Variants in TRMT11 observed in about 807,000 individuals in gnomAD.
TRMT11 encodes tRNA methyltransferase 11, also known as tRNA (guanine(10)-N(2))-methyltransferase TRMT11.
Under a neutral mutation model 62.8 loss-of-function variants are expected in TRMT11, and 53 were observed. The observed-to-expected ratio is 0.84, with a 90% confidence interval of 0.68 to 1.06. The LOEUF (loss-of-function observed/expected upper bound fraction) is 1.06, where lower values mean the gene tolerates loss of function less well. Ranked by LOEUF, TRMT11 falls within the 50% of genes least tolerant of loss-of-function variation. The pLI is 0.00. For missense variants in TRMT11, 556 were observed against 553.4 expected, an observed-to-expected ratio of 1.00 and a Z score of -0.05; for synonymous variants, 188 against 190.3, an observed-to-expected ratio of 0.99 and a Z score of 0.10.
At chr6:126,177,967 C>A (rs1225379561) in intron 1 of TRMT11, among the ~76,000 whole-genome samples, 1 of 152,174 alleles carries the variant, frequency 6.6e-6, no homozygotes, top group Non-Finnish European at 1.5e-5. Flanking sequence ...GTGCCTACTG[C>A]AAGCTCTGGT....
At chr6:126,152,200 C>A (rs1389392796) in intron 21 of TRMT11, among the ~76,000 whole-genome samples, 1 of 150,670 alleles carries the variant, frequency 6.6e-6, no homozygotes, top group African/African-American at 2.4e-5. Flanking sequence ...AATTTTGTAA[C>A]TTCCTGAAAT....
chr6:126,061,068 A>G (rs1042873030), intron 17 of TRMT11, among the ~76,000 whole-genome samples: 5 of 152,226 alleles, frequency 3.3e-5, no homozygotes, highest in Admixed American at 1.3e-4. Context: ...GAGGGCCCGC[A>G]TAACAGAAGG....
the TRMT11 span, among the ~76,000 whole-genome samples, chr6:126,248,989 AG>A: frequency 6.6e-6 from 1 of 152,146 alleles, no homozygotes. Flanking sequence ...AATCTATCCA[AG>A]GGAAAAGTAT....
chr6:126,140,409 CT>C (rs1262370441), intron 21 of TRMT11, among the ~76,000 whole-genome samples: 1 of 151,938 alleles, frequency 6.6e-6, no homozygotes, highest in Non-Finnish European at 1.5e-5. Context: ...AATTTCTTAT[CT>C]TTGTCTTTAC....
intron 3 of TRMT11, among the ~76,000 whole-genome samples, chr6:126,201,412 C>T (rs9491586): frequency 0.064 from 9,676 of 152,236 alleles, 1,049 homozygotes; most frequent in African/African-American, 0.22. Context: ...ATTTGTATAT[C>T]CTGCATGCTG....
the TRMT11 span, among the ~76,000 whole-genome samples, chr6:126,260,454 G>T: frequency 5.3e-5 from 8 of 152,270 alleles, no homozygotes; most frequent in East Asian, 1.9e-4. Flanking sequence ...AGAATTGAGA[G>T]ATTTATATAG....
At position 126,121,860 on chromosome 6, in the gene TRMT11, G is replaced by A. The variant is rs1028176607; in HGVS notation, c.*1823+6005G>A. ...TACTCTCATAACCACCCCCCACTCC[G>A]CCACACAGACACACAAACAGCTCAT... On this transcript the variant is annotated intron_variant and NMD_transcript_variant, in intron 21 of 22. Coordinates refer to the TRMT11 transcript ENST00000648977. Among the ~76,000 whole-genome samples the A allele has an allele frequency of 7.2e-5, 11 of 151,840 alleles. No homozygotes were observed. In the South Asian group the frequency reaches 8.3e-4, roughly 11 times the overall value.
intron 18 of TRMT11, among the ~76,000 whole-genome samples, chr6:126,113,191 C>T (rs1777551319): frequency 6.6e-6 from 1 of 152,066 alleles, no homozygotes; most frequent in African/African-American, 2.4e-5. Context: ...CCATATTGAC[C>T]TGAAGCTGTA....
chr6:126,212,277 G>A, the TRMT11 span, among the ~76,000 whole-genome samples: 1 of 152,084 alleles, frequency 6.6e-6, no homozygotes, highest in Admixed American at 6.5e-5. Flanking sequence ...TTTCTTTTGG[G>A]TATATACCTA....
At chr6:126,158,158 C>T (rs1778142717) in intron 21 of TRMT11, among the ~76,000 whole-genome samples, 1 of 152,198 alleles carries the variant, frequency 6.6e-6, no homozygotes, top group Admixed American at 6.5e-5. Flanking sequence ...TATAAGTCCA[C>T]TCCTACACAT....
intron 17 of TRMT11, among the ~76,000 whole-genome samples, chr6:126,072,318 T>C (rs1362896740): frequency 4.6e-5 from 7 of 152,208 alleles, no homozygotes; most frequent in Non-Finnish European, 1.0e-4. Flanking sequence ...CTCATATGAA[T>C]GTAAAAGCCC....
At chr6:126,170,634 A>C (rs139163736) in intron 21 of TRMT11, among the ~76,000 whole-genome samples, 6 of 152,106 alleles carry the variant, frequency 3.9e-5, no homozygotes, top group African/African-American at 9.6e-5. Flanking sequence ...GCTCGCCAGA[A>C]CTGTGCTACC....
intron 7 of TRMT11, among the ~76,000 whole-genome samples, chr6:126,004,675 GT>G (rs924438094): frequency 8.6e-5 from 13 of 151,748 alleles, no homozygotes; most frequent in African/African-American, 2.7e-4. Flanking sequence ...CTTTTAAATA[GT>G]TTTTTAAAAA....
At chr6:126,112,921 A>G (rs886172687) in exon 18 of TRMT11, among the ~76,000 whole-genome samples, 2 of 151,872 alleles carry the variant, frequency 1.3e-5, no homozygotes, top group South Asian at 2.1e-4. Context: ...CTGGTTTTCT[A>G]TGTTGGCTAC....
At chr6:126,078,218 G>C (rs1412239138) in intron 17 of TRMT11, among the ~76,000 whole-genome samples, 5 of 152,170 alleles carry the variant, frequency 3.3e-5, no homozygotes, top group Non-Finnish European at 7.4e-5. Flanking sequence ...TTGAGAATGG[G>C]AAAATTGCCT....
intron 1 of TRMT11, among the ~76,000 whole-genome samples, chr6:126,197,248 A>G (rs1778677506): frequency 6.6e-6 from 1 of 152,046 alleles, no homozygotes; most frequent in Non-Finnish European, 1.5e-5. Context: ...ACCAGTTTCC[A>G]ATATCTGTTG....
chr6:126,079,990 C>G (rs116297670), intron 17 of TRMT11, among the ~76,000 whole-genome samples: 1 of 152,112 alleles, frequency 6.6e-6, no homozygotes, highest in Non-Finnish European at 1.5e-5. Flanking sequence ...TTGGTGGTGG[C>G]TAACTACCAG....
chr6:126,188,158 CA>C (rs1778547719), intron 1 of TRMT11, among the ~76,000 whole-genome samples: 1 of 151,844 alleles, frequency 6.6e-6, no homozygotes. Context: ...AAGATATCAT[CA>C]ACCCCCCATA....
intron 12 of TRMT11, among the ~76,000 whole-genome samples, chr6:126,023,545 G>A (rs1796136003): frequency 6.6e-6 from 1 of 152,284 alleles, no homozygotes; most frequent in African/African-American, 2.4e-5. Context: ...TGACTTGGGG[G>A]GCTGAGGCAG....
Sources: gnomAD v4.1 joint callset for allele counts (sites outside exome capture counted in the v4.1 genomes callset) on GRCh38, gnomAD v4.1.1 for gene constraint, MANE v1.5 for transcripts, NCBI Gene and HGNC (gene_info 2026-07-23, HGNC 2026-07-21) for gene names.